The following WDR17 variants were observed in gnomAD, a reference collection of about 807,000 sequenced individuals.
WDR17 encodes the protein WD repeat domain 17, also known as WD repeat-containing protein 17.
WDR17 carries 143 observed loss-of-function variants against 161.7 expected under a neutral mutation model. The ratio of observed to expected loss-of-function variants is 0.88; its 90% CI spans 0.77 to 1.02. The LOEUF (loss-of-function observed/expected upper bound fraction) is 1.02. Among genes scored for constraint, WDR17 ranks in the 50% least tolerant of loss-of-function variants. WDR17 has a pLI of 0.00. For synonymous variants in WDR17, 517 were observed against 515.6 expected, an observed-to-expected ratio of 1.00 and a Z score of -0.04; for missense variants, 1,469 against 1,520.9, an observed-to-expected ratio of 0.97 and a Z score of 0.57.
chr4:176,093,875 A>T (rs1031271340), intron 1 of WDR17, among the ~76,000 whole-genome samples: 1 of 152,224 alleles, frequency 6.6e-6, no homozygotes, highest in Non-Finnish European at 1.5e-5. Context: ...GCAAGATAAC[A>T]TTTAATCTGA....
chr4:176,130,534 G>A (rs1382520722), intron 6 of WDR17, among the ~76,000 whole-genome samples: 2 of 152,066 alleles, frequency 1.3e-5, no homozygotes, highest in Non-Finnish European at 2.9e-5. Context: ...CACAAGGTCA[G>A]GAGATCGAGA....
chr4:176,177,403 T>C (rs1337788499), intron 27 of WDR17, 68 bp from the exon 28 acceptor site: 2 of 1,380,476 alleles, frequency 1.4e-6, no homozygotes, highest in Admixed American at 4.9e-5. Context: ...CAGGGATAAT[T>C]TCTAATCTAA....
Position 176,180,463 on chromosome 4 carries a change from CT to C in WDR17, c.*887del, listed in dbSNP as rs1167354376. The C allele has an allele frequency of 6.6e-6, 1 of 152,298 alleles. No homozygotes were observed. Among genetic ancestry groups the C allele is most frequent in the Non-Finnish European group, 1.5e-5 (1 of 68,120 alleles). 9.4% of individuals were successfully genotyped at this position (152,298 alleles called of 1,614,324 possible). ...GTGGCTCACACCTGTAATCTCAGCA[CT>C]TTGGCAGGCCAAGGCAGGTGGATCA... On this transcript the variant is annotated 3_prime_UTR_variant, in exon 29 of 29. Coordinates refer to ENST00000508596, the MANE Select transcript of WDR17 (RefSeq NM_181265.4).
chr4:176,148,486 T>TAA (rs1158311661), intron 13 of WDR17, 151 bp downstream of exon 13: 12 of 723,134 alleles, frequency 1.7e-5, no homozygotes, highest in Admixed American at 3.0e-5. Flanking sequence ...ACGTTTATTA[T>TAA]TATAATACCA....
intron 9 of WDR17, among the ~76,000 whole-genome samples, chr4:176,138,158 A>G (rs1744702847): frequency 6.6e-6 from 1 of 151,646 alleles, no homozygotes; most frequent in Non-Finnish European, 1.5e-5. Flanking sequence ...AGTTCCATTA[A>G]TATTTGAAAA....
At chr4:176,110,367 C>G (rs1470242186) in intron 1 of WDR17, among the ~76,000 whole-genome samples, 2 of 152,100 alleles carry the variant, frequency 1.3e-5, no homozygotes, top group Non-Finnish European at 2.9e-5. Flanking sequence ...ACGTCGTGAT[C>G]CGCCCTCTTC....
At chr4:176,164,281 T>C (rs2126858789) in intron 22 of WDR17, among the ~76,000 whole-genome samples, 1 of 152,336 alleles carries the variant, frequency 6.6e-6, no homozygotes, top group Non-Finnish European at 1.5e-5. Context: ...GAAGTTTGCA[T>C]TCTTAGCTGT....
Position 176,173,333 on chromosome 4 carries a change from T to G in WDR17, c.3311T>G (p.Ile1104Ser), listed in dbSNP as rs1244524664. 2.5e-6 allele frequency: 4 copies of G among 1,613,062 alleles called. No homozygotes were observed. The South Asian group carries it at 4.4e-5, about 18-fold the overall frequency. Residue 1104 changes from isoleucine (I) to serine (S), a missense_variant, in exon 25 of 29, where the codon ATT (isoleucine) becomes AGT (serine). Transcript: ENST00000508596. ...CCTGTTCTTGACCTACTGAGCTATA[T>G]TCGTACTGAAAAATTACTCTTGCAT... The part of the protein sequence containing the change: ...IYPVLDLLSY[I>S]RTEKLLLHTC...
Position 176,179,573 on chromosome 4 carries a change from AT to A in WDR17, c.3848del (p.Phe1283SerfsTer14). ...PLGTGIRLNP[F>X] Reference sequence around the variant, plus strand: ...TAGGGACTGGAATACGACTCAATCCATTCTGATAGAAGATTTTTGTCCATGC... The same window carrying A: ...TAGGGACTGGAATACGACTCAATCCATCTGATAGAAGATTTTTGTCCATGC... On this transcript the variant is annotated frameshift_variant, in exon 29 of 29. Transcript: ENST00000508596. LOFTEE classifies it high-confidence loss of function. 6.5e-7 allele frequency: 1 copy of A among 1,550,044 alleles called. No individual in the cohort carries two copies. Among genetic ancestry groups the A allele is most frequent in the Non-Finnish European group, 8.7e-7 (1 of 1,148,914 alleles).
chr4:176,105,241 T>C (rs1051575119), intron 1 of WDR17, among the ~76,000 whole-genome samples: 12 of 152,004 alleles, frequency 7.9e-5, no homozygotes, highest in Non-Finnish European at 1.5e-4. Context: ...AAAAACTAAC[T>C]GAATTGAAGG....
In WDR17 at chr4:176,172,475, A is replaced by G. The variant is rs1273905231; in HGVS notation, c.3203A>G (p.Glu1068Gly). ...GTAAAATATTACTTGTTAAGTCAAG[A>G]ACCTGAAAAAGCCCTTCCTATTGGT... ...ETVKYYLLSQ[E>G]PEKALPIGIS... Residue 1068 changes from glutamate (E) to glycine (G), a missense_variant, in exon 24 of 29, where the codon GAA becomes GGA. Physicochemically the swap from Glu to Gly is moderately conservative, Grantham distance 98. Transcript: ENST00000508596. 3.7e-6 allele frequency: 6 copies of G among 1,608,550 alleles called. No individual in the cohort carries two copies. Among genetic ancestry groups the G allele is most frequent in the Non-Finnish European group, 5.1e-6 (6 of 1,178,846 alleles).
rs7356435 is a variant in WDR17, at chr4:176,150,355, A to G, written c.2179-113A>G. 18,173 of 1,450,078 alleles carry G rather than the reference A, an allele frequency of 0.013. 1,078 individuals carry two copies. The African/African-American group carries it at 0.17, about 13-fold the overall frequency. The allele number at this position is 1,450,078 out of a possible 1,614,324, so 89.8% of individuals were successfully genotyped here. A position where few individuals can be genotyped will look rare whatever the true frequency, so the allele number is the denominator to read the frequency against. ...ACAATACATGAGATAACATGTAGTT[A>G]TTTTGTTAATTTTTAAATTTAGATA... On this transcript the variant is annotated intron_variant, in intron 15 of 28. Coordinates refer to ENST00000508596, the MANE Select transcript of WDR17 (RefSeq NM_181265.4).
intron 3 of WDR17, among the ~76,000 whole-genome samples, chr4:176,118,816 C>A (rs1003687855): frequency 1.3e-5 from 2 of 151,214 alleles, no homozygotes; most frequent in African/African-American, 4.9e-5. Context: ...AAAAAATTAA[C>A]CGGGCATGGT....
intron 9 of WDR17, among the ~76,000 whole-genome samples, chr4:176,138,839 A>C (rs760123387): frequency 1.3e-5 from 2 of 151,858 alleles, no homozygotes; most frequent in Admixed American, 6.6e-5. Flanking sequence ...TTCACTAGCG[A>C]AATTGCTTAA....
rs145134092 is a variant in WDR17, at chr4:176,074,645, G to A, written c.-7+8566G>A. On this transcript the variant is annotated intron_variant, in intron 1 of 28. Transcript: ENST00000508596. ...TAATTTTTGTATTTTTGTAGATATAGGGTCTTGCTGTGTTGCCCAGGCTGG... is the reference window on the plus strand; with the variant it reads ...TAATTTTTGTATTTTTGTAGATATAAGGTCTTGCTGTGTTGCCCAGGCTGG... Among the ~76,000 whole-genome samples the A allele has an allele frequency of 4.4e-3, 671 of 151,784 alleles. 7 individuals are homozygous for A. Among genetic ancestry groups the A allele is most frequent in the African/African-American group, 0.016 (650 of 41,402 alleles).
chr4:176,126,348 A>AGC (rs1333661765), intron 5 of WDR17, among the ~76,000 whole-genome samples: 1 of 152,098 alleles, frequency 6.6e-6, no homozygotes, highest in Non-Finnish European at 1.5e-5. Context: ...TTGTGTTCAG[A>AGC]GAGAGAGACC....
At chr4:176,078,609 G>C (rs1734353323) in intron 1 of WDR17, among the ~76,000 whole-genome samples, 2 of 152,044 alleles carry the variant, frequency 1.3e-5, no homozygotes, top group Non-Finnish European at 2.9e-5. Context: ...TTTGAATCTT[G>C]AAACTTGTGG....
Position 176,168,755 on chromosome 4 carries a change from C to G in WDR17, c.3074C>G (p.Thr1025Ser). ...IKLCAFYPGC[T>S]EEINDLHDKC... is the part of the protein sequence containing the mutation. ...CTCTGTGCTTTCTACCCAGGATGTA[C>G]TGAAGAGATAAATGACCTTCATGAT... Residue 1025 changes from threonine (T) to serine (S), a missense_variant, in exon 23 of 29, where the codon ACT (threonine) becomes AGT (serine). Transcript: ENST00000508596. 1 of 1,612,366 alleles carries G rather than the reference C, an allele frequency of 6.2e-7. No individual in the cohort carries two copies. The highest frequency in any genetic ancestry group is 8.5e-7 in the Non-Finnish European group (1 of 1,179,332).
Position 176,179,593 on chromosome 4 carries a change from TC to T in WDR17, c.*16del. 1 of 1,535,932 alleles carries T rather than the reference TC, an allele frequency of 6.5e-7. No individual in the cohort carries two copies. The highest frequency in any genetic ancestry group is 8.7e-7 in the Non-Finnish European group (1 of 1,143,178). ...AATCCATTCTGATAGAAGATTTTTG[TC>T]CATGCTTGATTTTTTTTTTTAAAGA... On this transcript the variant is annotated 3_prime_UTR_variant, in exon 29 of 29. Coordinates refer to ENST00000508596, the MANE Select transcript of WDR17 (RefSeq NM_181265.4).
Sources: allele counts gnomAD v4.1 joint callset (sites outside exome capture counted in the v4.1 genomes callset), GRCh38; gene constraint gnomAD v4.1.1; transcripts MANE v1.5; gene names NCBI Gene and HGNC (gene_info 2026-07-23, HGNC 2026-07-21).